PPFIA2: variants seen among roughly 807,000 people sequenced by gnomAD.
PPFIA2 encodes the protein PPFI scaffold protein A2.
In PPFIA2, 46 loss-of-function variants were observed where a neutral mutation model predicts 175.5. The ratio of observed to expected loss-of-function variants is 0.26; its 90% CI spans 0.21 to 0.34. The LOEUF (loss-of-function observed/expected upper bound fraction) is 0.34. Ranked by LOEUF, PPFIA2 falls within the 10% of genes least tolerant of loss-of-function variation. The pLI, the probability that PPFIA2 is intolerant of heterozygous loss-of-function variation, is 1.00. For missense variants in PPFIA2, 1,179 were observed against 1,506.1 expected, an observed-to-expected ratio of 0.78 and a Z score of 3.60; for synonymous variants, 568 against 511.4, an observed-to-expected ratio of 1.11 and a Z score of -1.49.
intron 4 of PPFIA2, among the ~76,000 whole-genome samples, chr12:81,579,120 T>C (rs1414506051): frequency 1.3e-5 from 2 of 151,802 alleles, no homozygotes; most frequent in African/African-American, 4.8e-5. Context: ...TTACGACTTT[T>C]CTAATATTAC....
chr12:81,366,811 C>T (rs1275774690), intron 14 of PPFIA2, among the ~76,000 whole-genome samples: 1 of 151,482 alleles, frequency 6.6e-6, no homozygotes, highest in Non-Finnish European at 1.5e-5. Context: ...AAGGCAAAAC[C>T]ATTTTTTAAT....
At chr12:81,620,564 C>T (rs751745812) in intron 4 of PPFIA2, among the ~76,000 whole-genome samples, 3 of 152,120 alleles carry the variant, frequency 2.0e-5, no homozygotes, top group South Asian at 2.1e-4. Context: ...CCTAACGAAC[C>T]GTATGAACTT....
chr12:81,504,056 T>C (rs2060877216), intron 4 of PPFIA2, among the ~76,000 whole-genome samples: 1 of 151,990 alleles, frequency 6.6e-6, no homozygotes, highest in Non-Finnish European at 1.5e-5. Flanking sequence ...TTGAGATACT[T>C]TTATGTGCAG....
intron 4 of PPFIA2, among the ~76,000 whole-genome samples, chr12:81,460,565 G>A (rs1028371572): frequency 6.6e-6 from 1 of 152,068 alleles, no homozygotes; most frequent in Non-Finnish European, 1.5e-5. Context: ...TGTTAGACAA[G>A]TTTGTTCTAT....
intron 3 of PPFIA2, among the ~76,000 whole-genome samples, chr12:81,753,202 T>C (rs1295245107): frequency 6.6e-6 from 1 of 152,194 alleles, no homozygotes; most frequent in Non-Finnish European, 1.5e-5. Flanking sequence ...CCCAAAGTGC[T>C]AGGATTACAG....
In PPFIA2 at chr12:81,472,370, A is replaced by G. The variant is rs189534800; in HGVS notation, c.304-14504T>C. On this transcript the variant is annotated intron_variant, in intron 4 of 32. Transcript: ENST00000549396. ...AAAATGGTATGTGTTGTTGCAATAAAGCTGTTTAAATAACAGTAGTTCAGT... is the reference window on the plus strand; with the variant it reads ...AAAATGGTATGTGTTGTTGCAATAAGGCTGTTTAAATAACAGTAGTTCAGT... The G allele has an allele frequency of 1.1e-4, 17 of 152,324 alleles. No individual in the cohort carries two copies. The East Asian group carries it at 3.3e-3, about 29-fold the overall frequency. 9.4% of individuals were successfully genotyped at this position (152,324 alleles called of 1,614,324 possible).
intron 24 of PPFIA2, among the ~76,000 whole-genome samples, chr12:81,285,339 T>C (rs1431999220): frequency 6.6e-6 from 1 of 152,104 alleles, no homozygotes; most frequent in Admixed American, 6.6e-5. Flanking sequence ...CTTTAAAGAA[T>C]TGGTGTAGCA....
At chr12:81,318,534 T>C (rs1382740692) in intron 22 of PPFIA2, among the ~76,000 whole-genome samples, 2 of 151,712 alleles carry the variant, frequency 1.3e-5, no homozygotes, top group Admixed American at 6.6e-5. Context: ...GATGCCTCTG[T>C]AAAAATCATC....
intron 21 of PPFIA2, among the ~76,000 whole-genome samples, chr12:81,330,886 C>G (rs969028910): frequency 2.6e-5 from 4 of 152,220 alleles, no homozygotes; most frequent in East Asian, 1.9e-4. Flanking sequence ...TATCTATACA[C>G]AGTGCCTGGC....
intron 4 of PPFIA2, among the ~76,000 whole-genome samples, chr12:81,569,179 T>A (rs574598455): frequency 6.6e-6 from 1 of 152,172 alleles, no homozygotes. Context: ...CTTCTTTCTA[T>A]GTGTTCATAT....
intron 4 of PPFIA2, among the ~76,000 whole-genome samples, chr12:81,657,253 C>A (rs1285165378): frequency 6.6e-6 from 1 of 152,134 alleles, no homozygotes; most frequent in Admixed American, 6.5e-5. Context: ...GAATCCCAAG[C>A]CAAAGAGGTT....
chr12:81,483,607 G>T (rs1273608879), intron 4 of PPFIA2, among the ~76,000 whole-genome samples: 2 of 151,842 alleles, frequency 1.3e-5, no homozygotes, highest in Non-Finnish European at 2.9e-5. Flanking sequence ...TGGTGGTGAA[G>T]GTTGCTCAAC....
At chr12:81,566,531 A>G (rs537098839) in intron 4 of PPFIA2, among the ~76,000 whole-genome samples, 31 of 35,494 alleles carry the variant, frequency 8.7e-4, no homozygotes, top group Middle Eastern at 0.011. Context: ...ACTCCAACTC[A>G]AAAAAAAAAA....
At chr12:81,395,753 A>C (rs572766534) in intron 8 of PPFIA2, among the ~76,000 whole-genome samples, 1 of 152,042 alleles carries the variant, frequency 6.6e-6, no homozygotes, top group African/African-American at 2.4e-5. Context: ...CAGGGGACTT[A>C]ATCTGCAATA....
Position 81,264,819 on chromosome 12 carries a change from A to G in PPFIA2, c.3556-1429T>C, listed in dbSNP as rs2036715872. 1.3e-5 allele frequency among the ~76,000 whole-genome samples: 2 copies of G among 152,180 alleles called. 1 individual carries two copies. Among genetic ancestry groups the G allele is most frequent in the South Asian group, 4.1e-4 (2 of 4,832 alleles). On this transcript the variant is annotated intron_variant, in intron 30 of 32. Coordinates refer to ENST00000549396, the MANE Select transcript of PPFIA2 (RefSeq NM_003625.5). The stretch of plus-strand genomic sequence containing the variant: ...ACTGCTGTGTTTTTCATTGCCCTAG[A>G]TCTCCAAATGTGTGTAAATGTAGAA...
At chr12:81,318,411 C>G (rs2052902757) in intron 22 of PPFIA2, among the ~76,000 whole-genome samples, 1 of 151,624 alleles carries the variant, frequency 6.6e-6, no homozygotes, top group Admixed American at 6.6e-5. Flanking sequence ...TTCTTAGGAG[C>G]TACAGGTAAA....
chr12:81,593,872 T>G (rs1391640893), intron 4 of PPFIA2, among the ~76,000 whole-genome samples: 2 of 152,152 alleles, frequency 1.3e-5, no homozygotes, highest in South Asian at 2.1e-4. Flanking sequence ...TTTAAGGCAG[T>G]GATCCCAACT....
chr12:81,355,213 GGGTGGCCA>G lies in PPFIA2; in HGVS notation c.1774-1882_1774-1875del, dbSNP rs567368969. On this transcript the variant is annotated intron_variant, in intron 16 of 32. Transcript: ENST00000549396. ...TTTGAGCATCTCTGTCAGAGCTCTT[GGGTGGCCA>G]GGTGCATTGTTAATAAGTAGTAATA... is the stretch of plus-strand genomic sequence containing the variant. Among the ~76,000 whole-genome samples the G allele has an allele frequency of 3.3e-5, 5 of 152,262 alleles. No individual in the cohort carries two copies. In the South Asian group the frequency reaches 1.0e-3, roughly 32 times the overall value.
chr12:81,519,843 G>A (rs1400966836), intron 4 of PPFIA2, among the ~76,000 whole-genome samples: 1 of 152,134 alleles, frequency 6.6e-6, no homozygotes, highest in East Asian at 1.9e-4. Context: ...CCCAGTAAAT[G>A]TCTGAAAACA....
Sources: allele counts gnomAD v4.1 joint callset (sites outside exome capture counted in the v4.1 genomes callset), GRCh38; gene constraint gnomAD v4.1.1; transcripts MANE v1.5; gene names NCBI Gene and HGNC (gene_info 2026-07-23, HGNC 2026-07-21).